The following NELL1 variants were observed in gnomAD, a reference collection of about 807,000 sequenced individuals.
NELL1 encodes protein kinase C-binding protein NELL1.
A neutral mutation model predicts 107.4 loss-of-function variants in NELL1; 76 were observed. That is an observed-to-expected ratio of 0.71 (90% CI 0.59 to 0.86). The LOEUF is 0.86. Ranked by LOEUF, NELL1 falls within the 40% of genes least tolerant of loss-of-function variation. The probability of loss-of-function intolerance (pLI) is 0.00; values close to 1 mark genes in which losing one functional copy is unlikely to be tolerated. For missense variants in NELL1, 1,024 were observed against 1,005.5 expected, an observed-to-expected ratio of 1.02 and a Z score of -0.25; for synonymous variants, 353 against 341.2, an observed-to-expected ratio of 1.03 and a Z score of -0.38.
intron 14 of NELL1, among the ~76,000 whole-genome samples, chr11:21,354,693 A>G (rs1233878318): frequency 6.6e-6 from 1 of 152,222 alleles, no homozygotes; most frequent in African/African-American, 2.4e-5. Context: ...GATGGGAAAC[A>G]AAGAAGCTCT....
intron 15 of NELL1, among the ~76,000 whole-genome samples, chr11:21,381,489 G>A (rs1851605659): frequency 1.3e-5 from 2 of 151,918 alleles, no homozygotes; most frequent in East Asian, 3.9e-4. Context: ...ATGAGATATT[G>A]TACTTAAAAT....
chr11:21,179,161 C>T (rs930601223), intron 13 of NELL1, among the ~76,000 whole-genome samples: 4 of 151,858 alleles, frequency 2.6e-5, no homozygotes, highest in African/African-American at 9.7e-5. Context: ...AGATAAACAG[C>T]TGACAGCTTC....
intron 12 of NELL1, among the ~76,000 whole-genome samples, chr11:21,010,316 C>A (rs1852419581): frequency 6.6e-6 from 1 of 151,902 alleles, no homozygotes; most frequent in East Asian, 1.9e-4. Context: ...TATTTATTAT[C>A]TATTGCCTTT....
chr11:21,552,992 G>C (rs1856627225), intron 16 of NELL1, among the ~76,000 whole-genome samples: 2 of 151,986 alleles, frequency 1.3e-5, no homozygotes, highest in South Asian at 4.1e-4. Context: ...CTTAGCTCCT[G>C]TAATCTGACC....
intron 16 of NELL1, among the ~76,000 whole-genome samples, chr11:21,550,415 C>T (rs963746969): frequency 4.0e-5 from 6 of 151,850 alleles, no homozygotes; most frequent in African/African-American, 7.3e-5. Context: ...AGTCCTTGCC[C>T]GTGCCTATGT....
chr11:21,131,304 T>C (rs1319752248), intron 13 of NELL1, among the ~76,000 whole-genome samples: 1 of 152,206 alleles, frequency 6.6e-6, no homozygotes, highest in Non-Finnish European at 1.5e-5. Flanking sequence ...AATGTTATTA[T>C]CCACCTATTA....
At chr11:21,055,826 C>T (rs1853601671) in intron 12 of NELL1, among the ~76,000 whole-genome samples, 1 of 150,048 alleles carries the variant, frequency 6.7e-6, no homozygotes, top group Non-Finnish European at 1.5e-5. Context: ...ACCACAGAAG[C>T]TCAGTAAAAA....
chr11:21,346,131 C>T (rs577952102), intron 14 of NELL1, among the ~76,000 whole-genome samples: 1 of 152,296 alleles, frequency 6.6e-6, no homozygotes, highest in South Asian at 2.1e-4. Flanking sequence ...CATGGCTGGA[C>T]TCAAGACTTC....
chr11:21,567,975 C>CA (rs2134010139), intron 17 of NELL1, among the ~76,000 whole-genome samples: 1 of 151,838 alleles, frequency 6.6e-6, no homozygotes, highest in African/African-American at 2.4e-5. Context: ...CAATATTAGC[C>CA]AACACTATGG....
rs187488496 is a variant in NELL1, at chr11:21,376,225, T to C, written c.1645+5277T>C. Among the ~76,000 whole-genome samples the C allele has an allele frequency of 4.6e-3, 703 of 152,238 alleles. 6 individuals are homozygous for C. Among genetic ancestry groups the C allele is most frequent in the African/African-American group, 0.016 (670 of 41,546 alleles). On this transcript the variant is annotated intron_variant, in intron 15 of 19. Coordinates refer to ENST00000357134, the MANE Select transcript of NELL1 (RefSeq NM_006157.5). ...ATCCATCTTGAGTTAATTTTTTGTA[T>C]ATGGTGAAAGGTAGGAGTCCAGTTT...
chr11:21,111,567 G>T (rs970387958), intron 12 of NELL1, among the ~76,000 whole-genome samples: 2 of 152,062 alleles, frequency 1.3e-5, no homozygotes, highest in African/African-American at 2.4e-5. Context: ...ACAGGTATAT[G>T]GTGGCTTGCT....
intron 12 of NELL1, among the ~76,000 whole-genome samples, chr11:21,044,069 T>C (rs1853300604): frequency 6.6e-6 from 1 of 152,134 alleles, no homozygotes; most frequent in Non-Finnish European, 1.5e-5. Context: ...TGCTTGAGAT[T>C]GGCAGAGAGA....
At chr11:21,541,251 C>T (rs1856286582) in intron 16 of NELL1, among the ~76,000 whole-genome samples, 1 of 152,090 alleles carries the variant, frequency 6.6e-6, no homozygotes, top group South Asian at 2.1e-4. Context: ...CCATTGTTAT[C>T]TGCTTTATAG....
In NELL1 at chr11:20,993,768, A is replaced by G. The variant is rs573823811; in HGVS notation, c.1300+33208A>G. On this transcript the variant is annotated intron_variant, in intron 12 of 19. Transcript: ENST00000357134. ...AATGACAAGAAAAATGTCTGTACAT[A>G]TTCAATACAGACACAAACATCAATT... 2.6e-5 allele frequency among the ~76,000 whole-genome samples: 4 copies of G among 152,242 alleles called. No homozygotes were observed. The South Asian group carries it at 8.3e-4, about 32-fold the overall frequency.
chr11:21,497,294 C>T (rs1855007550), intron 15 of NELL1, among the ~76,000 whole-genome samples: 1 of 152,048 alleles, frequency 6.6e-6, no homozygotes, highest in East Asian at 1.9e-4. Flanking sequence ...TACCCTAGAA[C>T]TTGAAGTATA....
At chr11:20,682,781 G>C (rs1401090231) in intron 2 of NELL1, among the ~76,000 whole-genome samples, 1 of 151,862 alleles carries the variant, frequency 6.6e-6, no homozygotes, top group Admixed American at 6.6e-5. Context: ...TTATTGATCT[G>C]CTTTCTGTGA....
At chr11:20,706,660 TATA>T (rs1235397222) in intron 2 of NELL1, among the ~76,000 whole-genome samples, 2 of 151,830 alleles carry the variant, frequency 1.3e-5, no homozygotes, top group South Asian at 2.1e-4. Flanking sequence ...CCCTAAAACT[TATA>T]ATAATAACAA....
intron 13 of NELL1, among the ~76,000 whole-genome samples, chr11:21,194,039 T>A (rs1370107380): frequency 6.6e-6 from 1 of 151,856 alleles, no homozygotes; most frequent in African/African-American, 2.4e-5. Flanking sequence ...GTCCTTCACA[T>A]TGGAAGATTT....
At chr11:21,498,339 A>G (rs1855040772) in intron 15 of NELL1, among the ~76,000 whole-genome samples, 1 of 83,634 alleles carries the variant, frequency 1.2e-5, no homozygotes, top group African/African-American at 3.0e-5. Flanking sequence ...CATATTATAT[A>G]TATATATACA....
Sources: allele counts gnomAD v4.1 joint callset (sites outside exome capture counted in the v4.1 genomes callset), GRCh38; gene constraint gnomAD v4.1.1; transcripts MANE v1.5; gene names NCBI Gene and HGNC (gene_info 2026-07-23, HGNC 2026-07-21).